ZC3H4: variants seen among roughly 807,000 people sequenced by gnomAD.
ZC3H4 encodes zinc finger CCCH domain-containing protein 4.
ZC3H4 carries 13 observed loss-of-function variants against 108.3 expected under a neutral mutation model. That is an observed-to-expected ratio of 0.12 (90% CI 0.08 to 0.19). The LOEUF (loss-of-function observed/expected upper bound fraction) is 0.19. Ranked by LOEUF, ZC3H4 falls within the 10% of genes least tolerant of loss-of-function variation. The pLI, the probability that ZC3H4 is intolerant of heterozygous loss-of-function variation, is 1.00. For missense variants in ZC3H4, 1,734 were observed against 1,838.8 expected (o/e 0.94, Z 1.04); for synonymous variants, 917 against 749.6 (o/e 1.22, Z -3.65).
Position 47,083,310 on chromosome 19 carries a change from T to TAA in ZC3H4, c.1219-1017_1219-1016dup, listed in dbSNP as rs918816929. On this transcript the variant is annotated intron_variant, in intron 9 of 14. Coordinates refer to ENST00000253048, the MANE Select transcript of ZC3H4 (RefSeq NM_015168.2). ...GAGAGAGACTCGGTCTAAAAAAAAT[T>TAA]AAAAAAAAAAAAAGAGAGAGAGAGA... is the stretch of plus-strand genomic sequence containing the variant. Among the ~76,000 whole-genome samples the TAA allele has an allele frequency of 6.7e-3, 813 of 122,040 alleles. 11 individuals are homozygous for TAA. Among genetic ancestry groups the TAA allele is most frequent in the African/African-American group, 0.023 (762 of 33,620 alleles). The allele number at this position is 122,040 out of a possible 152,430, so 80.1% of individuals were successfully genotyped here.
chr19:47,109,375 A>C (rs1259949874), intron 2 of ZC3H4, among the ~76,000 whole-genome samples: 2 of 152,214 alleles, frequency 1.3e-5, no homozygotes, highest in Non-Finnish European at 2.9e-5. Context: ...AAGAAATCTC[A>C]TTTCCTTAAC....
At chr19:47,083,912 C>T (rs1416041222) in intron 9 of ZC3H4, among the ~76,000 whole-genome samples, 1 of 151,970 alleles carries the variant, frequency 6.6e-6, no homozygotes, top group African/African-American at 2.4e-5. Flanking sequence ...GTCATTGGTC[C>T]ATCTTCTGAC....
rs117228623 is a variant in ZC3H4 at position 47,113,384 on chromosome 19, T to A, written c.-6+336A>T. 8.8e-3 allele frequency: 1,345 copies of A among 152,104 alleles called. 13 individuals are homozygous for A. Among genetic ancestry groups the A allele is most frequent in the Non-Finnish European group, 0.013 (856 of 68,128 alleles). The allele number at this position is 152,104 out of a possible 1,614,324, so 9.4% of individuals were successfully genotyped here. ...GATATGGGTGGGGCTAGAGAGAGCA[T>A]GAGAAACCTAGGGGAGCCATAAATA... On this transcript the variant is annotated intron_variant, in intron 1 of 14. Transcript: ENST00000253048.
chr19:47,107,732 A>C (rs1377462281), intron 2 of ZC3H4, among the ~76,000 whole-genome samples: 1 of 152,118 alleles, frequency 6.6e-6, no homozygotes, highest in Non-Finnish European at 1.5e-5. Flanking sequence ...CATTTTTGTC[A>C]ACAACTACTA....
intron 4 of ZC3H4, 125 bp downstream of exon 4, chr19:47,093,845 T>C (rs10408163): frequency 0.62 from 461,453 of 747,094 alleles, 153,327 homozygotes; most frequent in Non-Finnish European, 0.72. Flanking sequence ...GGGGATTAAA[T>C]TAATACCTGA....
chr19:47,082,466 G>A (rs1433560220), intron 9 of ZC3H4, among the ~76,000 whole-genome samples, 171 bp from the exon 10 acceptor site: 1 of 152,152 alleles, frequency 6.6e-6, no homozygotes, highest in Non-Finnish European at 1.5e-5. Context: ...CCCAAAGGCT[G>A]TTGGGACTAA....
At chr19:47,107,291 A>C (rs912782751) in intron 2 of ZC3H4, among the ~76,000 whole-genome samples, 1 of 152,176 alleles carries the variant, frequency 6.6e-6, no homozygotes, top group Non-Finnish European at 1.5e-5. Flanking sequence ...ATTCTTCTCT[A>C]GTAGGGAAAG....
rs748514090 is a variant in ZC3H4, at chr19:47,071,838, C to G, written c.2086G>C (p.Glu696Gln). ...PPIPPAQNFY[E>Q]NFYQQQEGME... ...CCCTCCTGCTGCTGGTAGAAGTTTT[C>G]ATAGAAGTTCTGGGCTGGCGGGATA... Residue 696 changes from glutamate (E) to glutamine (Q), a missense_variant, in exon 13 of 15, where the codon GAA becomes CAA. By Grantham distance (29) the Glu-to-Gln change is conservative. Around this residue, in one of 9 missense-constraint regions of ZC3H4, gnomAD observed 540 missense variants for 484.1 expected, o/e 1.12. Transcript: ENST00000253048. The G allele has an allele frequency of 5.0e-6, 8 of 1,613,712 alleles. No homozygotes were observed. Among genetic ancestry groups the G allele is most frequent in the African/African-American group, 1.3e-5 (1 of 75,030 alleles).
intron 11 of ZC3H4, among the ~76,000 whole-genome samples, chr19:47,081,152 G>A (rs149523138): frequency 0.012 from 1,806 of 152,102 alleles, 23 homozygotes; most frequent in South Asian, 0.038. Flanking sequence ...CTCCTGCCTC[G>A]GCCTCCCAAA....
intron 5 of ZC3H4, among the ~76,000 whole-genome samples, chr19:47,088,945 C>T (rs895276916): frequency 3.3e-5 from 5 of 151,984 alleles, no homozygotes; most frequent in African/African-American, 1.2e-4. Flanking sequence ...CGGTGGCTCA[C>T]GCCTGTAATC....
intron 5 of ZC3H4, among the ~76,000 whole-genome samples, chr19:47,087,141 T>C (rs1452013713): frequency 1.3e-5 from 2 of 151,874 alleles, no homozygotes; most frequent in African/African-American, 4.8e-5. Flanking sequence ...CCAGGTGTGG[T>C]GGCGCACACC....
chr19:47,077,701 CA>C (rs1366290286), intron 11 of ZC3H4, among the ~76,000 whole-genome samples: 1 of 151,546 alleles, frequency 6.6e-6, no homozygotes, highest in Non-Finnish European at 1.5e-5. Flanking sequence ...ACTAAAAACA[CA>C]AAAAATGAGC....
chr19:47,102,754 C>A (rs2057919101), intron 2 of ZC3H4, among the ~76,000 whole-genome samples: 1 of 149,900 alleles, frequency 6.7e-6, no homozygotes, highest in Non-Finnish European at 1.5e-5. Context: ...CATGGAAAGA[C>A]CGAAGGAATT....
chr19:47,070,986 A>G (rs985722817), intron 13 of ZC3H4, among the ~76,000 whole-genome samples: 1 of 151,720 alleles, frequency 6.6e-6, no homozygotes, highest in Non-Finnish European at 1.5e-5. Flanking sequence ...CCCCCAGTTC[A>G]ACACAGCGCC....
At chr19:47,112,646 G>A (rs1600126146) in intron 1 of ZC3H4, 57 bp from the exon 2 acceptor site, 3 of 1,180,622 alleles carry the variant, frequency 2.5e-6, no homozygotes, top group East Asian at 3.2e-5. Context: ...CGTGGCGGGA[G>A]GGGCACACTT....
chr19:47,077,654 G>C (rs1429244104), intron 11 of ZC3H4, among the ~76,000 whole-genome samples: 3 of 152,072 alleles, frequency 2.0e-5, no homozygotes, highest in Non-Finnish European at 2.9e-5. Flanking sequence ...TTGGGAGTTC[G>C]AGACCAGCCT....
At chr19:47,086,575 G>C in intron 5 of ZC3H4, 37 bp from the exon 6 acceptor site, 1 of 1,537,916 alleles carries the variant, frequency 6.5e-7, no homozygotes. Context: ...TCCAGCAGGA[G>C]CAGATGCCAC....
intron 10 of ZC3H4, 83 bp from the exon 11 acceptor site, chr19:47,081,705 CTTTGT>C: frequency 8.2e-7 from 1 of 1,224,316 alleles, no homozygotes; most frequent in Non-Finnish European, 1.2e-6. Flanking sequence ...ATCCAGCTCC[CTTTGT>C]TTTGGAGATA....
At chr19:47,088,580 G>A (rs931367763) in intron 5 of ZC3H4, among the ~76,000 whole-genome samples, 3 of 151,926 alleles carry the variant, frequency 2.0e-5, no homozygotes, top group African/African-American at 7.2e-5. Context: ...CAACCCAGGA[G>A]GCACAGGGTA....
Sources: gnomAD v4.1 joint callset for allele counts (sites outside exome capture counted in the v4.1 genomes callset) on GRCh38, gnomAD v4.1.1 for gene constraint, gnomAD v4.1.1 regional missense constraint, MANE v1.5 for transcripts, NCBI Gene and HGNC (gene_info 2026-07-23, HGNC 2026-07-21) for gene names.